Variants in CARS2 observed in about 807,000 individuals in gnomAD.
CARS2 encodes cysteinyl-tRNA synthetase 2, mitochondrial.
Under a neutral mutation model 68.8 loss-of-function variants are expected in CARS2, and 52 were observed. The observed-to-expected ratio is 0.76, with a 90% CI of 0.61 to 0.95. The LOEUF (loss-of-function observed/expected upper bound fraction) is 0.95, where lower values mean the gene tolerates loss of function less well. Among genes scored for constraint, CARS2 ranks in the 40% least tolerant of loss-of-function variants. The probability of loss-of-function intolerance (pLI) is 0.00; values close to 1 mark genes in which losing one functional copy is unlikely to be tolerated. For missense variants in CARS2, 780 were observed against 754.2 expected (o/e 1.03, Z -0.40); for synonymous variants, 314 against 303.6 (o/e 1.03, Z -0.36).
intron 3 of CARS2, among the ~76,000 whole-genome samples, chr13:110,694,077 G>A (rs2063552450): frequency 6.6e-6 from 1 of 151,882 alleles, no homozygotes; most frequent in Admixed American, 6.6e-5. Flanking sequence ...GCCCAGGCTG[G>A]AGTGCAATGG....
chr13:110,679,615 GA>G (rs1566712759), intron 6 of CARS2, among the ~76,000 whole-genome samples: 36 of 106,394 alleles, frequency 3.4e-4, no homozygotes, highest in African/African-American at 1.0e-3. Flanking sequence ...GAGAGAGAGA[GA>G]GAGAGAGAGG....
Position 110,688,245 on chromosome 13 carries a change from CT to C in CARS2, c.394-228del, listed in dbSNP as rs141023141. Among the ~76,000 whole-genome samples the C allele has an allele frequency of 0.037, 5,590 of 152,272 alleles. 336 individuals carry two copies. Among genetic ancestry groups the C allele is most frequent in the African/African-American group, 0.12 (5,067 of 41,516 alleles). ...AGAAAAAAAGGCTTATTGACCTTGT[CT>C]TCTGGTTAGAGAAGAAATAATGTCA... is the stretch of plus-strand genomic sequence containing the variant. On this transcript the variant is annotated intron_variant, in intron 3 of 14. Transcript: ENST00000257347.
At chr13:110,712,805 A>C in intron 1 of CARS2, 1 of 783,488 alleles carries the variant, frequency 1.3e-6, no homozygotes. Flanking sequence ...CCTCGGGCCT[A>C]TCCACCTCTT....
At chr13:110,681,817 T>C (rs1335570978) in intron 6 of CARS2, among the ~76,000 whole-genome samples, 1 of 152,170 alleles carries the variant, frequency 6.6e-6, no homozygotes, top group Non-Finnish European at 1.5e-5. Context: ...AGAGAAGCCA[T>C]TCTGAGAAGG....
chr13:110,666,691 T>C (rs2062657961), intron 8 of CARS2: 6 of 985,472 alleles, frequency 6.1e-6, no homozygotes, highest in Non-Finnish European at 7.2e-6. Context: ...TTGTTAATTT[T>C]CTGTATTTTA....
chr13:110,683,851 T>C (rs2063221917), intron 5 of CARS2, among the ~76,000 whole-genome samples: 1 of 152,116 alleles, frequency 6.6e-6, no homozygotes, highest in Non-Finnish European at 1.5e-5. Context: ...ACCCCATCTC[T>C]ACCAAAAAAA....
rs1391810006 is a variant in CARS2, at chr13:110,677,361, C to T, written c.656-258G>A. Among the ~76,000 whole-genome samples the T allele has an allele frequency of 1.1e-4, 9 of 84,476 alleles. 1 individual carries two copies. Among genetic ancestry groups the T allele is most frequent in the African/African-American group, 4.1e-4 (9 of 21,856 alleles). The allele number at this position is 84,476 out of a possible 152,430, so 55.4% of individuals were successfully genotyped here. On this transcript the variant is annotated intron_variant, in intron 6 of 14. Transcript: ENST00000257347. The stretch of plus-strand genomic sequence containing the variant: ...CACGGGGACCCAGTCACCCCCACCA[C>T]GGAAACACAGAAAATCACCCCACCA...
chr13:110,665,756 C>T lies in CARS2; in HGVS notation c.919+1584G>A, dbSNP rs1157075631. The T allele has an allele frequency of 8.1e-6, 8 of 985,272 alleles. No homozygotes were observed. Among genetic ancestry groups the T allele is most frequent in the South Asian group, 4.7e-5 (1 of 21,286 alleles). 61.0% of individuals were successfully genotyped at this position (985,272 alleles called of 1,614,324 possible). Reference sequence around the variant, plus strand: ...AACGAAGTCAACGAGGAAGTGACTTCGGGGCAATCAGCCTCATCTATTTAC... The same window carrying T: ...AACGAAGTCAACGAGGAAGTGACTTTGGGGCAATCAGCCTCATCTATTTAC... On this transcript the variant is annotated intron_variant, in intron 8 of 14. Transcript: ENST00000257347. This position sits in a 1 kb window ranked among gnomAD's most constrained non-coding sequence, Gnocchi z 4.3.
At position 110,676,955 on chromosome 13, in the gene CARS2, G is replaced by T; in HGVS notation, c.785+19C>A. 6.6e-7 allele frequency: 1 copy of T among 1,515,204 alleles called. No homozygotes were observed. The allele number at this position is 1,515,204 out of a possible 1,614,324, so 93.9% of individuals were successfully genotyped here. ...GGGGAACTTGAGCCCCAACCCCCAG[G>T]AAGCGGCAGGCACCTTACCTAGCGA... is the stretch of plus-strand genomic sequence containing the variant. On this transcript the variant is annotated intron_variant, in intron 7 of 14. Transcript: ENST00000257347. This position sits in a 1 kb window ranked among gnomAD's most constrained non-coding sequence, Gnocchi z 4.0.
chr13:110,644,046 G>T, intron 13 of CARS2: 1 of 1,241,690 alleles, frequency 8.1e-7, no homozygotes, highest in Non-Finnish European at 1.0e-6. Context: ...AAATGGGTCA[G>T]GAAAAAATGT....
intron 5 of CARS2, among the ~76,000 whole-genome samples, chr13:110,686,242 C>CT (rs60668690): frequency 0.014 from 1,846 of 136,212 alleles, 40 homozygotes; most frequent in African/African-American, 0.041. Flanking sequence ...GCAACTCACG[C>CT]TTTTTTTTTT....
chr13:110,667,444 T>G lies in CARS2; in HGVS notation c.815A>C (p.His272Pro). The G allele has an allele frequency of 6.2e-7, 1 of 1,613,952 alleles. No homozygotes were observed. Among genetic ancestry groups the G allele is most frequent in the Non-Finnish European group, 8.5e-7 (1 of 1,179,864 alleles). The change falls in exon 8 of 15, where the codon CAT becomes CCT. Residue 272 changes from histidine to proline, a missense_variant. Transcript: ENST00000257347. ...SMVFGSQLDI[H>P]SGGIDLAFPH... ...AAAAGCTAAATCTATCCCACCTGAA[T>G]GGATATCCAGTTGACTTCCAAATAC...
chr13:110,644,543 G>A (rs576489257), intron 12 of CARS2, 60 bp from the exon 13 acceptor site: 18 of 1,599,546 alleles, frequency 1.1e-5, no homozygotes, highest in Admixed American at 1.7e-5. Context: ...GTGGGCAAAC[G>A]GAATTCAATG....
chr13:110,685,350 T>A (rs1399593369), intron 5 of CARS2, among the ~76,000 whole-genome samples: 1 of 151,914 alleles, frequency 6.6e-6, no homozygotes, highest in African/African-American at 2.4e-5. Context: ...AATCTAAATA[T>A]ACCACATTAG....
At chr13:110,681,000 T>G (rs1276901087) in intron 6 of CARS2, among the ~76,000 whole-genome samples, 1 of 152,232 alleles carries the variant, frequency 6.6e-6, no homozygotes, top group Non-Finnish European at 1.5e-5. Context: ...CCCTTGCCAT[T>G]GTTGTCTCCT....
Position 110,665,573 on chromosome 13 carries a change from C to T in CARS2, c.919+1767G>A, listed in dbSNP as rs567089237. 27 of 985,328 alleles carry T rather than the reference C, an allele frequency of 2.7e-5. No individual in the cohort carries two copies. Among genetic ancestry groups the T allele is most frequent in the South Asian group, 4.7e-5 (1 of 21,282 alleles). The allele number at this position is 985,328 out of a possible 1,614,324, so 61.0% of individuals were successfully genotyped here. A position where few individuals can be genotyped will look rare whatever the true frequency, so the allele number is the denominator to read the frequency against. On this transcript the variant is annotated intron_variant, in intron 8 of 14. Coordinates refer to ENST00000257347, the MANE Select transcript of CARS2 (RefSeq NM_024537.4). This position sits in a 1 kb window ranked among gnomAD's most constrained non-coding sequence, Gnocchi z 4.3. Reference sequence around the variant, plus strand: ...CACAGCTAAGGCTGCCCTTCTTGCCCCCCAGCTCCACACTCGCAGAAGGGC... The same window carrying T: ...CACAGCTAAGGCTGCCCTTCTTGCCTCCCAGCTCCACACTCGCAGAAGGGC...
intron 10 of CARS2, chr13:110,650,278 A>T (rs1478273393): frequency 6.6e-6 from 1 of 152,052 alleles, no homozygotes; most frequent in Non-Finnish European, 1.5e-5. Context: ...TTGTATTTTT[A>T]GGAGAGATGG....
intron 9 of CARS2, among the ~76,000 whole-genome samples, chr13:110,661,341 C>T (rs1415384877): frequency 6.6e-6 from 1 of 152,178 alleles, no homozygotes; most frequent in African/African-American, 2.4e-5. Flanking sequence ...ACAAACCAAC[C>T]CCTGCTAGCT....
chr13:110,647,300 C>T (rs1888273097), intron 10 of CARS2, 61 bp from the exon 11 acceptor site: 1 of 1,566,810 alleles, frequency 6.4e-7, no homozygotes, highest in African/African-American at 1.3e-5. Context: ...TGCCCTGGTC[C>T]AGCAGAATCA....
Sources: allele counts gnomAD v4.1 joint callset (sites outside exome capture counted in the v4.1 genomes callset), GRCh38; gene constraint gnomAD v4.1.1; non-coding constraint Gnocchi (gnomAD v3.1); transcripts MANE v1.5; gene names NCBI Gene and HGNC (gene_info 2026-07-23, HGNC 2026-07-21).